Variants in YKT6 observed in about 807,000 individuals in gnomAD.
YKT6 encodes the protein YKT6 vesicular SNARE protein.
A neutral mutation model predicts 29.3 loss-of-function variants in YKT6; 12 were observed. The ratio of observed to expected loss-of-function variants is 0.41; its 90% CI spans 0.26 to 0.66. The LOEUF (loss-of-function observed/expected upper bound fraction) is 0.66. YKT6 is among the 30% of genes least tolerant of loss of function. The probability of loss-of-function intolerance (pLI) is 0.32; values close to 1 mark genes in which losing one functional copy is unlikely to be tolerated. For missense variants in YKT6, 188 were observed against 243.8 expected (o/e 0.77, Z 1.52); for synonymous variants, 86 against 94.3 (o/e 0.91, Z 0.51).
In YKT6 at chr7:44,214,023, A is replaced by C. The variant is rs1472640335; in HGVS notation, c.*1741A>C. On this transcript the variant is annotated 3_prime_UTR_variant, in exon 7 of 7. Transcript: ENST00000223369. Reference sequence around the variant, plus strand: ...CCTTTCCCACTTGAGGACCCTGGGGAGAGATGGGGGCGGGGAAAATGGAGG... The same window carrying C: ...CCTTTCCCACTTGAGGACCCTGGGGCGAGATGGGGGCGGGGAAAATGGAGG... 6.6e-6 allele frequency: 1 copy of C among 152,438 alleles called. No homozygotes were observed. The highest frequency in any genetic ancestry group is 2.4e-5 in the African/African-American group (1 of 41,322). The allele number at this position is 152,438 out of a possible 1,614,324, so 9.4% of individuals were successfully genotyped here. A position where few individuals can be genotyped will look rare whatever the true frequency, so the allele number is the denominator to read the frequency against.
At chr7:44,206,237 C>T (rs2096340711) in intron 2 of YKT6, 148 bp from the exon 3 acceptor site, 1 of 738,440 alleles carries the variant, frequency 1.4e-6, no homozygotes, top group Non-Finnish European at 2.3e-6. Context: ...GGCTGTGCTG[C>T]TAAGCCTCTC....
chr7:44,209,092 G>A (rs1286318774), intron 5 of YKT6, among the ~76,000 whole-genome samples: 3 of 152,150 alleles, frequency 2.0e-5, no homozygotes, highest in Non-Finnish European at 4.4e-5. Context: ...TGAGCACTGG[G>A]ACATCTTTCC....
chr7:44,206,607 C>A, intron 3 of YKT6, 122 bp downstream of exon 3: 1 of 905,452 alleles, frequency 1.1e-6, no homozygotes, highest in Non-Finnish European at 1.8e-6. Flanking sequence ...AAAGTCAACA[C>A]ATTTTTCAGC....
At chr7:44,202,822 G>A (rs953792199) in intron 1 of YKT6, among the ~76,000 whole-genome samples, 1 of 152,188 alleles carries the variant, frequency 6.6e-6, no homozygotes, top group Non-Finnish European at 1.5e-5. Flanking sequence ...CCTTCTTGGG[G>A]TTCTTGGTCT....
chr7:44,211,147 C>G, intron 6 of YKT6, 23 bp downstream of exon 6: 1 of 1,602,600 alleles, frequency 6.2e-7, no homozygotes, highest in Non-Finnish European at 8.5e-7. Context: ...CACCTGCTGC[C>G]TCCTGGGTGT....
intron 1 of YKT6, among the ~76,000 whole-genome samples, chr7:44,203,427 C>T (rs2096337886): frequency 6.6e-6 from 1 of 152,186 alleles, no homozygotes; most frequent in African/African-American, 2.4e-5. Flanking sequence ...GCTTTACTTA[C>T]GTCCTTTGTG....
At position 44,213,437 on chromosome 7, in the gene YKT6, C is replaced by T. The variant is rs1221662624; in HGVS notation, c.*1155C>T. ...CCAAGGGTTTGGTCTAAGCTGTGCC[C>T]TGCCACCTGGCAGGAGGCCCACTCA... On this transcript the variant is annotated 3_prime_UTR_variant, in exon 7 of 7. Transcript: ENST00000223369. The T allele has an allele frequency of 6.6e-6, 1 of 152,360 alleles. No homozygotes were observed. The highest frequency in any genetic ancestry group is 1.5e-5 in the Non-Finnish European group (1 of 68,140). The allele number at this position is 152,360 out of a possible 1,614,324, so 9.4% of individuals were successfully genotyped here.
rs773656627 is a variant in YKT6 at position 44,207,525 on chromosome 7, G to A, written c.393+33G>A. 1.3e-5 allele frequency: 20 copies of A among 1,597,374 alleles called. No homozygotes were observed. In the East Asian group the frequency reaches 4.5e-4, roughly 36 times the overall value. On this transcript the variant is annotated intron_variant, in intron 4 of 6. Transcript: ENST00000223369. ...TAAAGGAAGCTTCAGCAGACACCAT[G>A]TGGCCCAGAATCCATGTGAAACTGA...
Position 44,207,469 on chromosome 7 carries a change from G to A in YKT6, c.370G>A (p.Asp124Asn), listed in dbSNP as rs2096341981. ...TGCTACAATCCATTACCCAGCCCTG[G>A]ATGGTCACCTCAGTAGATACCAGGT... is the stretch of plus-strand genomic sequence containing the variant. ...SPATIHYPAL[D>N]GHLSRYQNPR... Residue 124 changes from aspartate (D) to asparagine (N), a missense_variant, in exon 4 of 7, where the codon GAT becomes AAT. Asp to Asn is a conservative substitution (Grantham distance 23). Around this residue, in one of 3 missense-constraint regions of YKT6, gnomAD observed 100 missense variants for 136.3 expected, o/e 0.73. Coordinates refer to ENST00000223369, the MANE Select transcript of YKT6 (RefSeq NM_006555.4). 1 of 1,614,122 alleles carries A rather than the reference G, an allele frequency of 6.2e-7. No homozygotes were observed. The highest frequency in any genetic ancestry group is 2.2e-5 in the East Asian group (1 of 44,884).
chr7:44,205,501 G>T (rs564968307), intron 2 of YKT6, among the ~76,000 whole-genome samples: 38 of 152,242 alleles, frequency 2.5e-4, no homozygotes, highest in African/African-American at 9.1e-4. Context: ...CCTCATTCTT[G>T]TTCTCATTTA....
At chr7:44,207,556 C>A in intron 4 of YKT6, 64 bp downstream of exon 4, 2 of 1,416,330 alleles carry the variant, frequency 1.4e-6, no homozygotes, top group Non-Finnish European at 2.0e-6. Context: ...ACTGAAAAAG[C>A]CAACTGCCCT....
In YKT6 at chr7:44,211,902, G is replaced by A. The variant is rs532480530; in HGVS notation, c.562-345G>A. ...AGCATTGTGTGAAGACAGGAGTGGGGCAAAGTTAAGATATTCTGCCAATCC... is the reference window on the plus strand; with the variant it reads ...AGCATTGTGTGAAGACAGGAGTGGGACAAAGTTAAGATATTCTGCCAATCC... On this transcript the variant is annotated intron_variant, in intron 6 of 6. Coordinates refer to ENST00000223369, the MANE Select transcript of YKT6 (RefSeq NM_006555.4). Among the ~76,000 whole-genome samples the A allele has an allele frequency of 9.5e-4, 145 of 152,356 alleles. 1 individual carries two copies. Among genetic ancestry groups the A allele is most frequent in the African/African-American group, 3.2e-3 (133 of 41,588 alleles).
intron 2 of YKT6, among the ~76,000 whole-genome samples, 174 bp from the exon 3 acceptor site, chr7:44,206,211 T>C (rs2096340659): frequency 6.6e-6 from 1 of 152,230 alleles, no homozygotes; most frequent in Non-Finnish European, 1.5e-5. Context: ...GCCAAGCTCC[T>C]GTGTGTGGCC....
rs2096349414 is a variant in YKT6, at chr7:44,213,805, A to C, written c.*1523A>C. 1 of 152,166 alleles carries C rather than the reference A, an allele frequency of 6.6e-6. No individual in the cohort carries two copies. Among genetic ancestry groups the C allele is most frequent in the Non-Finnish European group, 1.5e-5 (1 of 68,102 alleles). 9.4% of individuals were successfully genotyped at this position (152,166 alleles called of 1,614,324 possible). A position where few individuals can be genotyped will look rare whatever the true frequency, so the allele number is the denominator to read the frequency against. ...GAGGACTCCACCTCCTGGCTGGTTT[A>C]CCTGCTGCTGCCCATTTTCTCTGGG... On this transcript the variant is annotated 3_prime_UTR_variant, in exon 7 of 7. Transcript: ENST00000223369.
chr7:44,206,199 G>T (rs1562742463), intron 2 of YKT6, among the ~76,000 whole-genome samples, 186 bp from the exon 3 acceptor site: 2 of 152,202 alleles, frequency 1.3e-5, no homozygotes, highest in Non-Finnish European at 2.9e-5. Flanking sequence ...AGCAGGCGTT[G>T]GGCCAAGCTC....
rs1389542501 is a variant in YKT6 at position 44,208,218 on chromosome 7, G to A, written c.459+20G>A. On this transcript the variant is annotated intron_variant, in intron 5 of 6. Transcript: ENST00000223369. ...ATTCTGGTAAGCAGGAAGATGGAGA[G>A]CAAGCCCAAGAACTGAGGCGGGGGT... 3 of 1,613,538 alleles carry A rather than the reference G, an allele frequency of 1.9e-6. No homozygotes were observed. The highest frequency in any genetic ancestry group is 1.1e-5 in the South Asian group (1 of 91,046).
chr7:44,209,692 G>A (rs568327909), intron 5 of YKT6, among the ~76,000 whole-genome samples: 5 of 152,340 alleles, frequency 3.3e-5, no homozygotes, highest in African/African-American at 7.2e-5. Flanking sequence ...GTTCTATGGC[G>A]CTTCATGTGT....
chr7:44,201,245 C>T lies in YKT6; in HGVS notation c.104+6C>T, dbSNP rs758557603. 11 of 1,603,152 alleles carry T rather than the reference C, an allele frequency of 6.9e-6. No individual in the cohort carries two copies. The African/African-American group carries it at 1.2e-4, about 18-fold the overall frequency. ...AGCTTTTTCCAGAGATCCAGGTGAG[C>T]GGCACAGGCTGGTGGGCCGTGGCGG... On this transcript the variant is annotated splice_donor_region_variant and intron_variant, in intron 1 of 6. Coordinates refer to ENST00000223369, the MANE Select transcript of YKT6 (RefSeq NM_006555.4).
intron 1 of YKT6, among the ~76,000 whole-genome samples, chr7:44,203,311 C>G (rs2096337719): frequency 6.6e-6 from 1 of 152,294 alleles, no homozygotes; most frequent in South Asian, 2.1e-4. Flanking sequence ...CCAGGCTGGT[C>G]TCGAACTCCT....
Sources: allele counts gnomAD v4.1 joint callset (sites outside exome capture counted in the v4.1 genomes callset), GRCh38; gene constraint gnomAD v4.1.1; regional missense constraint gnomAD v4.1.1; transcripts MANE v1.5; gene names NCBI Gene and HGNC (gene_info 2026-07-23, HGNC 2026-07-21).